The following ITGA8 variants were observed in gnomAD, a reference collection of about 807,000 sequenced individuals.
ITGA8 encodes integrin subunit alpha 8.
In ITGA8, 91 loss-of-function variants were observed where a neutral mutation model predicts 142.3. That is an observed-to-expected ratio of 0.64 (90% CI 0.54 to 0.76). The LOEUF is 0.76. Ranked by LOEUF, ITGA8 falls within the 30% of genes least tolerant of loss-of-function variation. The pLI is 0.00. For missense variants in ITGA8, 1,406 were observed against 1,327.7 expected, an observed-to-expected ratio of 1.06 and a Z score of -0.92; for synonymous variants, 505 against 485.2, an observed-to-expected ratio of 1.04 and a Z score of -0.54.
intron 2 of ITGA8, among the ~76,000 whole-genome samples, chr10:15,698,018 C>T (rs907384194): frequency 1.3e-5 from 2 of 152,146 alleles, no homozygotes; most frequent in South Asian, 2.1e-4. Context: ...ACCCAAGCAG[C>T]GTACACTGTA....
intron 13 of ITGA8, among the ~76,000 whole-genome samples, chr10:15,632,568 T>C (rs1833702907): frequency 6.6e-6 from 1 of 152,178 alleles, no homozygotes; most frequent in Non-Finnish European, 1.5e-5. Flanking sequence ...GATTAGTGTA[T>C]TTGTAAGTGA....
intron 8 of ITGA8, among the ~76,000 whole-genome samples, 155 bp downstream of exon 8, chr10:15,671,448 C>G (rs549921788): frequency 2.0e-5 from 3 of 152,184 alleles, no homozygotes; most frequent in African/African-American, 7.2e-5. Context: ...AATGCTGTAT[C>G]AAAGTATTTT....
intron 9 of ITGA8, 117 bp downstream of exon 9, chr10:15,660,762 G>T: frequency 1.2e-6 from 1 of 807,192 alleles, no homozygotes; most frequent in Non-Finnish European, 2.0e-6. Context: ...GGTGTATTAA[G>T]TGTGTTTTCA....
chr10:15,540,076 A>G (rs947557563), intron 27 of ITGA8, among the ~76,000 whole-genome samples: 25 of 152,180 alleles, frequency 1.6e-4, no homozygotes, highest in African/African-American at 6.0e-4. Flanking sequence ...GAGTCAATTA[A>G]ACATCTTTCC....
At chr10:15,677,930 TATC>T (rs1834662733) in intron 5 of ITGA8, among the ~76,000 whole-genome samples, 1 of 152,172 alleles carries the variant, frequency 6.6e-6, no homozygotes, top group African/African-American at 2.4e-5. Flanking sequence ...ATAAGCAAAA[TATC>T]AACATGTTTA....
In ITGA8 at chr10:15,719,581, T is replaced by C; in HGVS notation, c.191A>G (p.His64Arg). The C allele has an allele frequency of 1.9e-6, 3 of 1,563,978 alleles. No individual in the cohort carries two copies. The highest frequency in any genetic ancestry group is 2.6e-6 in the Non-Finnish European group (3 of 1,162,640). Residue 64 changes from histidine (H) to arginine (R), a missense_variant, in exon 1 of 30, where the codon CAC (histidine) becomes CGC (arginine). Transcript: ENST00000378076. The stretch of plus-strand genomic sequence containing the variant: ...GACTTACGTGCGGGCGTCGGGTATG[T>C]GGAAGTCCACGGCGTAGCCGAAGTA... The part of the protein sequence containing the change: ...GSYFGYAVDF[H>R]IPDARTASVL...
intron 28 of ITGA8, among the ~76,000 whole-genome samples, chr10:15,529,708 A>C (rs1158585479): frequency 6.6e-6 from 1 of 152,244 alleles, no homozygotes; most frequent in Non-Finnish European, 1.5e-5. Context: ...AATTTAGATC[A>C]CTGAAAGTAG....
chr10:15,569,421 C>T (rs1324971161), intron 25 of ITGA8, among the ~76,000 whole-genome samples: 2 of 152,166 alleles, frequency 1.3e-5, no homozygotes, highest in Non-Finnish European at 2.9e-5. Context: ...TGTAAAGAAA[C>T]TGTAGAACCA....
chr10:15,696,203 G>C (rs1014712461), intron 2 of ITGA8, among the ~76,000 whole-genome samples: 1 of 152,142 alleles, frequency 6.6e-6, no homozygotes, highest in African/African-American at 2.4e-5. Flanking sequence ...GGAGAGGATG[G>C]AGCCCGTTAG....
At chr10:15,588,961 A>C (rs1804367359) in intron 22 of ITGA8, among the ~76,000 whole-genome samples, 1 of 152,216 alleles carries the variant, frequency 6.6e-6, no homozygotes, top group South Asian at 2.1e-4. Context: ...TGTCAGCAAT[A>C]TCTCTTGTAA....
chr10:15,556,456 A>C (rs1833890970), intron 26 of ITGA8, among the ~76,000 whole-genome samples: 2 of 152,304 alleles, frequency 1.3e-5, no homozygotes, highest in East Asian at 3.9e-4. Flanking sequence ...TGGGGCAGGA[A>C]GTACGTGCTT....
chr10:15,677,939 G>A (rs1246924496), intron 5 of ITGA8, among the ~76,000 whole-genome samples: 1 of 152,142 alleles, frequency 6.6e-6, no homozygotes, highest in Non-Finnish European at 1.5e-5. Context: ...ATATCAACAT[G>A]TTTAGTGCTG....
chr10:15,675,708 C>T (rs1834615912), intron 6 of ITGA8, among the ~76,000 whole-genome samples: 1 of 152,154 alleles, frequency 6.6e-6, no homozygotes, highest in African/African-American at 2.4e-5. Flanking sequence ...CATAGTTTGT[C>T]ACTACACTCA....
At chr10:15,686,926 A>G (rs935748531) in intron 3 of ITGA8, among the ~76,000 whole-genome samples, 2 of 152,200 alleles carry the variant, frequency 1.3e-5, no homozygotes, top group African/African-American at 2.4e-5. Flanking sequence ...AAAAATCAAA[A>G]CAGTATCCAA....
At chr10:15,543,900 C>T (rs1833621173) in intron 27 of ITGA8, among the ~76,000 whole-genome samples, 1 of 151,984 alleles carries the variant, frequency 6.6e-6, no homozygotes. Context: ...ACAGAAGACA[C>T]AGGGACACAG....
At chr10:15,661,071 C>T (rs1325722685) in intron 8 of ITGA8, 149 bp from the exon 9 acceptor site, 1 of 689,788 alleles carries the variant, frequency 1.4e-6, no homozygotes, top group South Asian at 1.7e-5. Flanking sequence ...AGGCCATCAA[C>T]CAGCACCTGT....
chr10:15,548,410 G>T, intron 27 of ITGA8, 45 bp downstream of exon 27: 1 of 1,310,988 alleles, frequency 7.6e-7, no homozygotes, highest in South Asian at 1.2e-5. Flanking sequence ...TTGTGAAGCA[G>T]CTCCCAGTGA....
At chr10:15,588,444 C>T (rs1053850591) in intron 22 of ITGA8, among the ~76,000 whole-genome samples, 3 of 152,164 alleles carry the variant, frequency 2.0e-5, no homozygotes, top group Non-Finnish European at 2.9e-5. Context: ...CATCTGGGAT[C>T]AGTCAACTAA....
intron 24 of ITGA8, 81 bp downstream of exon 24, chr10:15,575,408 G>C (rs9333189): frequency 1.0e-6 from 1 of 977,718 alleles, no homozygotes; most frequent in Non-Finnish European, 1.6e-6. Context: ...TAATGATAAT[G>C]ATAATAATGC....
Sources: allele counts gnomAD v4.1 joint callset (sites outside exome capture counted in the v4.1 genomes callset), GRCh38; gene constraint gnomAD v4.1.1; transcripts MANE v1.5; gene names NCBI Gene and HGNC (gene_info 2026-07-23, HGNC 2026-07-21).